CTNNA3: variants seen among roughly 807,000 people sequenced by gnomAD.
CTNNA3 encodes catenin alpha 3.
Under a neutral mutation model 95.7 loss-of-function variants are expected in CTNNA3, and 76 were observed. The ratio of observed to expected loss-of-function variants is 0.79; its 90% CI spans 0.66 to 0.96. CTNNA3 has a LOEUF of 0.96. Ranked by LOEUF, CTNNA3 falls within the 40% of genes least tolerant of loss-of-function variation. CTNNA3 has a pLI of 0.00. For synonymous variants in CTNNA3, 431 were observed against 374.4 expected (o/e 1.15, Z -1.74); for missense variants, 1,191 against 1,089.8 (o/e 1.09, Z -1.31).
At chr10:66,547,249 A>G (rs1280520074) in intron 10 of CTNNA3, among the ~76,000 whole-genome samples, 1 of 151,980 alleles carries the variant, frequency 6.6e-6, no homozygotes, top group Non-Finnish European at 1.5e-5. Context: ...CTCAACCAAG[A>G]GGAGAAAATA....
intron 14 of CTNNA3, among the ~76,000 whole-genome samples, chr10:66,092,352 C>A (rs552520980): frequency 1.3e-5 from 2 of 151,886 alleles, no homozygotes; most frequent in South Asian, 4.1e-4. Context: ...TATCATGATT[C>A]TTCTGGCTTC....
chr10:67,631,312 A>T (rs946690543), intron 2 of CTNNA3, among the ~76,000 whole-genome samples: 1 of 152,196 alleles, frequency 6.6e-6, no homozygotes, highest in Non-Finnish European at 1.5e-5. Flanking sequence ...AGAAAAAAAA[A>T]ATACATTAAA....
chr10:66,791,803 G>T (rs1840979871), intron 7 of CTNNA3, among the ~76,000 whole-genome samples: 1 of 151,730 alleles, frequency 6.6e-6, no homozygotes, highest in African/African-American at 2.4e-5. Context: ...TACAATCAAG[G>T]TTTTCTCATC....
chr10:67,302,188 C>G (rs536970380), intron 5 of CTNNA3, among the ~76,000 whole-genome samples: 17 of 152,102 alleles, frequency 1.1e-4, no homozygotes, highest in African/African-American at 3.6e-4. Context: ...ACCAAATGAT[C>G]TCATTTATAT....
At chr10:66,375,796 C>T (rs986739798) in intron 12 of CTNNA3, among the ~76,000 whole-genome samples, 1 of 152,044 alleles carries the variant, frequency 6.6e-6, no homozygotes, top group Admixed American at 6.6e-5. Context: ...AATTTATTGG[C>T]TCAAAATTTC....
intron 15 of CTNNA3, among the ~76,000 whole-genome samples, chr10:66,022,890 C>T (rs905762713): frequency 1.8e-4 from 28 of 152,268 alleles, no homozygotes; most frequent in Middle Eastern, 3.4e-3. Context: ...TTATCCTATG[C>T]CATTCATTGT....
At chr10:66,900,814 G>T (rs1344117539) in intron 7 of CTNNA3, among the ~76,000 whole-genome samples, 1 of 152,126 alleles carries the variant, frequency 6.6e-6, no homozygotes, top group Non-Finnish European at 1.5e-5. Context: ...AAAGCAAGAA[G>T]ACAAGATTAG....
intron 11 of CTNNA3, among the ~76,000 whole-genome samples, chr10:66,427,903 T>C (rs1589234638): frequency 6.6e-6 from 1 of 152,194 alleles, no homozygotes; most frequent in South Asian, 2.1e-4. Context: ...CACATAACAA[T>C]ATTAACCTTA....
chr10:67,218,798 C>T (rs948461005), intron 6 of CTNNA3, among the ~76,000 whole-genome samples: 2 of 152,228 alleles, frequency 1.3e-5, no homozygotes, highest in South Asian at 4.1e-4. Context: ...CAATAGCCTC[C>T]AGCCTGGTTT....
At chr10:67,098,070 T>C (rs1016915162) in intron 7 of CTNNA3, 2 of 423,422 alleles carry the variant, frequency 4.7e-6, no homozygotes. Flanking sequence ...AAACTCATCC[T>C]ACCTACCTGT....
At chr10:67,524,893 A>C (rs1240369265) in intron 4 of CTNNA3, among the ~76,000 whole-genome samples, 1 of 152,214 alleles carries the variant, frequency 6.6e-6, no homozygotes, top group Non-Finnish European at 1.5e-5. Flanking sequence ...CTTGGCTTGA[A>C]GATTTTTCTA....
At chr10:66,762,276 G>A (rs1232168620) in intron 9 of CTNNA3, among the ~76,000 whole-genome samples, 3 of 152,048 alleles carry the variant, frequency 2.0e-5, no homozygotes, top group African/African-American at 7.2e-5. Context: ...GAACACATTT[G>A]TCATTCATTG....
chr10:67,086,016 T>C (rs1156367247), intron 7 of CTNNA3, among the ~76,000 whole-genome samples: 1 of 151,974 alleles, frequency 6.6e-6, no homozygotes. Flanking sequence ...GTGTTTAAAA[T>C]GGCTTGCTTG....
At chr10:66,658,125 A>G (rs1199916074) in intron 9 of CTNNA3, among the ~76,000 whole-genome samples, 1 of 152,052 alleles carries the variant, frequency 6.6e-6, no homozygotes, top group Non-Finnish European at 1.5e-5. Context: ...TGTTTTCACA[A>G]CTTTCACCTA....
chr10:67,352,404 T>C (rs1842669449), intron 5 of CTNNA3, among the ~76,000 whole-genome samples: 1 of 151,942 alleles, frequency 6.6e-6, no homozygotes, highest in African/African-American at 2.4e-5. Context: ...GAAATAATCC[T>C]CCAGGTGATG....
chr10:67,177,637 A>C (rs1862308210), intron 7 of CTNNA3, among the ~76,000 whole-genome samples: 1 of 152,182 alleles, frequency 6.6e-6, no homozygotes, highest in South Asian at 2.1e-4. Flanking sequence ...TCTTTGAGCA[A>C]ACGGTGAGCA....
intron 5 of CTNNA3, among the ~76,000 whole-genome samples, chr10:67,382,488 A>G (rs911640604): frequency 6.6e-6 from 1 of 152,226 alleles, no homozygotes; most frequent in Non-Finnish European, 1.5e-5. Context: ...ATTATATTAG[A>G]AAAATATAAT....
At chr10:66,005,327 A>G (rs901040629) in intron 15 of CTNNA3, among the ~76,000 whole-genome samples, 1 of 152,216 alleles carries the variant, frequency 6.6e-6, no homozygotes, top group Non-Finnish European at 1.5e-5. Flanking sequence ...ATCAGCTCCT[A>G]TGATGAAGCT....
chr10:67,017,298 A>C (rs1852717445), intron 7 of CTNNA3, among the ~76,000 whole-genome samples: 1 of 152,228 alleles, frequency 6.6e-6, no homozygotes, highest in African/African-American at 2.4e-5. Context: ...TTAGTTCCCA[A>C]GAACACAGTG....
Sources: gnomAD v4.1 joint callset for allele counts (sites outside exome capture counted in the v4.1 genomes callset) on GRCh38, gnomAD v4.1.1 for gene constraint, MANE v1.5 for transcripts, NCBI Gene and HGNC (gene_info 2026-07-23, HGNC 2026-07-21) for gene names.